The following PHKA2 variants were observed in gnomAD, a reference collection of about 807,000 sequenced individuals.
PHKA2 encodes phosphorylase kinase regulatory subunit alpha 2, also known as phosphorylase b kinase regulatory subunit alpha, liver isoform.
A neutral mutation model predicts 102.0 loss-of-function variants in PHKA2; 31 were observed. The ratio of observed to expected loss-of-function variants is 0.30; its 90% confidence interval spans 0.23 to 0.41. PHKA2 has a LOEUF of 0.41. Among genes scored for constraint, PHKA2 ranks in the 10% least tolerant of loss-of-function variants. The pLI is 1.00. For synonymous variants in PHKA2, 455 were observed against 416.2 expected, an observed-to-expected ratio of 1.09 and a Z score of -1.13; for missense variants, 858 against 1,023.1, an observed-to-expected ratio of 0.84 and a Z score of 2.20.
At chrX:18,946,053 G>A (rs1240167379) in intron 5 of PHKA2, among the ~76,000 whole-genome samples, 1 of 109,491 alleles carries the variant, frequency 9.1e-6, no homozygotes, top group African/African-American at 3.3e-5. Flanking sequence ...TCAGCCTCCC[G>A]AGTAGCTGGG....
At chrX:18,923,927 C>T in intron 17 of PHKA2, 129 bp downstream of exon 17, 1 of 555,465 alleles carries the variant, frequency 1.8e-6, no homozygotes, top group Non-Finnish European at 3.2e-6. Flanking sequence ...GAAGTGTTAC[C>T]TTCCTGCTTA....
chrX:18,951,088 A>G lies in PHKA2; in HGVS notation c.454+16T>C, dbSNP rs757321326. The G allele has an allele frequency of 1.7e-6, 2 of 1,208,845 alleles. No homozygotes were observed. The highest frequency in any genetic ancestry group is 3.5e-5 in the African/African-American group (2 of 57,348). The stretch of plus-strand genomic sequence containing the variant: ...TGTCACTCCTTATACAATGGGCTCC[A>G]GCAACCCCAGCTCACCTGAGGCGGT... On this transcript the variant is annotated intron_variant, in intron 4 of 32. Transcript: ENST00000379942.
intron 26 of PHKA2, 90 bp from the exon 27 acceptor site, chrX:18,901,693 T>C (rs2047685066): frequency 4.9e-6 from 3 of 609,802 alleles, no homozygotes; most frequent in Non-Finnish European, 8.5e-6. Context: ...CACTTGACAA[T>C]GAGGGCCTTC....
intron 11 of PHKA2, among the ~76,000 whole-genome samples, chrX:18,934,525 A>G (rs1263574343): frequency 8.9e-6 from 1 of 112,044 alleles, no homozygotes; most frequent in African/African-American, 3.2e-5. Context: ...ATGGGCTGAT[A>G]TAAATGCAAA....
rs146616587 is a variant in PHKA2 at position 18,903,277 on chromosome X, A to G, written c.2909-1674T>C. ...TCTGGTGAGTGTTGACTGGTCAACA[A>G]TATACCCAATCCTATTTGTATTAAT... is the stretch of plus-strand genomic sequence containing the variant. On this transcript the variant is annotated intron_variant, in intron 26 of 32. Transcript: ENST00000379942. 9.8e-3 allele frequency among the ~76,000 whole-genome samples: 1,101 copies of G among 112,630 alleles called. 14 individuals carry two copies. The highest frequency in any genetic ancestry group is 0.033 in the African/African-American group (1,020 of 31,034).
At chrX:18,931,572 A>G in intron 12 of PHKA2, 69 bp downstream of exon 12, 2 of 742,543 alleles carry the variant, frequency 2.7e-6, no homozygotes, top group South Asian at 2.1e-5. Flanking sequence ...GAGAGTCCCT[A>G]TGCCCTTCTG....
chrX:18,962,314 G>C, intron 1 of PHKA2, among the ~76,000 whole-genome samples: 1 of 111,927 alleles, frequency 8.9e-6, no homozygotes, highest in Non-Finnish European at 1.9e-5. Flanking sequence ...TGGATGCTGA[G>C]CCAATACTGG....
chrX:18,899,109 G>T, intron 29 of PHKA2, 64 bp downstream of exon 29: 1 of 964,828 alleles, frequency 1.0e-6, no homozygotes, highest in Non-Finnish European at 1.5e-6. Context: ...GGCATGAGGT[G>T]GGAGCATGAG....
At position 18,907,628 on chromosome X, in the gene PHKA2, G is replaced by C. The variant is rs1231036593; in HGVS notation, c.2517+272C>G. ...ATGTGTGAAAAAAAGAGAGCTCTAA[G>C]AGGCTGCCAGGCCACAGAGCACTTT... On this transcript the variant is annotated intron_variant, in intron 22 of 32. Coordinates refer to ENST00000379942, the MANE Select transcript of PHKA2 (RefSeq NM_000292.3). 2.7e-5 allele frequency among the ~76,000 whole-genome samples: 3 copies of C among 111,635 alleles called. No individual in the cohort carries two copies. The South Asian group carries it at 1.1e-3, about 42-fold the overall frequency.
intron 19 of PHKA2, among the ~76,000 whole-genome samples, chrX:18,911,401 G>A (rs1359902618): frequency 1.8e-5 from 2 of 111,351 alleles, no homozygotes; most frequent in Non-Finnish European, 3.8e-5. Context: ...TCGAACTCCC[G>A]ACCTCAGGTG....
intron 1 of PHKA2, among the ~76,000 whole-genome samples, chrX:18,976,830 A>ATTTACT (rs2049096416): frequency 9.0e-6 from 1 of 111,244 alleles, no homozygotes; most frequent in Non-Finnish European, 1.9e-5. Flanking sequence ...ACCCTGCCAG[A>ATTTACT]AGTCTGCCTA....
chrX:18,979,649 T>C (rs1466726668), intron 1 of PHKA2, among the ~76,000 whole-genome samples: 1 of 112,049 alleles, frequency 8.9e-6, no homozygotes, highest in Non-Finnish European at 1.9e-5. Context: ...TTTGTAACCA[T>C]AGCTCTTTCA....
chrX:18,893,090 G>C lies in PHKA2; in HGVS notation c.*395C>G. Reference sequence around the variant, plus strand: ...CGCCAGGAGGATCTTTGCATCTTTAGGATGTGTCACTAGCTCATCGAAACT... The same window carrying C: ...CGCCAGGAGGATCTTTGCATCTTTACGATGTGTCACTAGCTCATCGAAACT... On this transcript the variant is annotated 3_prime_UTR_variant, in exon 33 of 33. Coordinates refer to ENST00000379942, the MANE Select transcript of PHKA2 (RefSeq NM_000292.3). The C allele has an allele frequency of 4.4e-6, 1 of 226,702 alleles. No individual in the cohort carries two copies. Among genetic ancestry groups the C allele is most frequent in the East Asian group, 1.0e-4 (1 of 9,672 alleles). The allele number at this position is 226,702 out of a possible 1,213,427, so 18.7% of individuals were successfully genotyped here.
intron 2 of PHKA2, among the ~76,000 whole-genome samples, chrX:18,953,887 G>C (rs911916488): frequency 9.0e-6 from 1 of 111,206 alleles, no homozygotes; most frequent in African/African-American, 3.3e-5. Flanking sequence ...TCGGGAGGCT[G>C]AGGCAGGACA....
chrX:18,928,499 A>G (rs2048253602), intron 13 of PHKA2, among the ~76,000 whole-genome samples: 1 of 112,592 alleles, frequency 8.9e-6, no homozygotes, highest in South Asian at 3.6e-4. Context: ...TCTCAGGGGC[A>G]ATATGGTGTA....
At chrX:18,926,317 G>A (rs1008008146) in intron 14 of PHKA2, 136 bp downstream of exon 14, 15 of 570,673 alleles carry the variant, frequency 2.6e-5, no homozygotes, top group African/African-American at 1.3e-4. Context: ...TCTTCACATC[G>A]AAGCGGTGGA....
At chrX:18,893,753 A>G (rs1316517435) in intron 32 of PHKA2, 98 bp from the exon 33 acceptor site, 26 of 816,725 alleles carry the variant, frequency 3.2e-5, no homozygotes, top group Non-Finnish European at 4.4e-5. Context: ...GGCAGGGGTG[A>G]GGGTTGCTCT....
In PHKA2 at chrX:18,983,892, T is replaced by A. The variant is rs779067669; in HGVS notation, c.41A>T (p.Tyr14Phe). The change falls in exon 1 of 33, where the codon TAC becomes TTC. Residue 14 changes from tyrosine to phenylalanine, a missense_variant. Transcript: ENST00000379942. ...GATGGTTTGCTGCACCAGCCGCGCG[T>A]ACCCGTCCAAGCGGACCCCGGAATT... ...RSNSGVRLDG[Y>F]ARLVQQTILC... 1 of 1,211,421 alleles carries A rather than the reference T, an allele frequency of 8.3e-7. No homozygotes were observed. Among genetic ancestry groups the A allele is most frequent in the South Asian group, 1.8e-5 (1 of 57,017 alleles).
At chrX:18,912,612 A>T (rs1438090853) in intron 19 of PHKA2, among the ~76,000 whole-genome samples, 5 of 102,653 alleles carry the variant, frequency 4.9e-5, no homozygotes, top group African/African-American at 1.7e-4. Context: ...ACTAAAATTA[A>T]AAAAAAAAAA....
Sources: allele counts gnomAD v4.1 joint callset (sites outside exome capture counted in the v4.1 genomes callset), GRCh38; gene constraint gnomAD v4.1.1; transcripts MANE v1.5; gene names NCBI Gene and HGNC (gene_info 2026-07-23, HGNC 2026-07-21).